HSPA8: variants seen among roughly 807,000 people sequenced by gnomAD.
HSPA8 encodes heat shock protein family A (Hsp70) member 8, also known as heat shock cognate 71 kDa protein.
HSPA8 carries 2 observed loss-of-function variants against 52.8 expected under a neutral mutation model. That is an observed-to-expected ratio of 0.04 (90% CI 0.02 to 0.12). HSPA8 has a LOEUF of 0.12. HSPA8 is among the 10% of genes least tolerant of loss of function. The pLI, the probability that HSPA8 is intolerant of heterozygous loss-of-function variation, is 1.00. For synonymous variants in HSPA8, 436 were observed against 274.0 expected (o/e 1.59, Z -5.84); for missense variants, 349 against 800.5 (o/e 0.44, Z 6.81).
intron 2 of HSPA8, 124 bp from the exon 3 acceptor site, chr11:123,060,922 A>G (rs1392833834): frequency 3.1e-6 from 3 of 960,542 alleles, no homozygotes; most frequent in African/African-American, 3.3e-5. Context: ...TATAGGTAGC[A>G]AAGGTTCAAA....
intron 2 of HSPA8, 118 bp from the exon 3 acceptor site, chr11:123,060,916 G>A (rs557748685): frequency 3.1e-6 from 3 of 981,696 alleles, no homozygotes; most frequent in African/African-American, 1.6e-5. Context: ...CTACCATATA[G>A]GTAGCAAAGG....
At chr11:123,061,644 T>TCAACGG (rs1182594536) in intron 1 of HSPA8, 1 of 414,940 alleles carries the variant, frequency 2.4e-6, no homozygotes, top group Non-Finnish European at 4.5e-6. Context: ...CCCCCGGGAG[T>TCAACGG]CAACGGGCTT....
At position 123,061,086 on chromosome 11, in the gene HSPA8, A is replaced by G. The variant is rs760570450; in HGVS notation, c.205+34T>C. 3.1e-5 allele frequency: 48 copies of G among 1,571,120 alleles called. 1 individual carries two copies. The highest frequency in any genetic ancestry group is 8.9e-5 in the South Asian group (8 of 90,138). On this transcript the variant is annotated intron_variant, in intron 2 of 8. Transcript: ENST00000534624. ...AACTTTTGTGCTTCCTAGCCCTGTT[A>G]TATTTGTTCTGTCATTTAAAATTAG...
chr11:123,058,136 A>ATG, intron 8 of HSPA8, 116 bp downstream of exon 8: 1 of 776,012 alleles, frequency 1.3e-6, no homozygotes, highest in Admixed American at 2.6e-5. Context: ...GAAACCGCGA[A>ATG]TGTTTTGGAC....
chr11:123,057,621 G>A lies in HSPA8; in HGVS notation c.*113C>T. 9.4e-6 allele frequency: 7 copies of A among 741,388 alleles called. No homozygotes were observed. Among genetic ancestry groups the A allele is most frequent in the Non-Finnish European group, 1.3e-5 (6 of 454,934 alleles). 45.9% of individuals were successfully genotyped at this position (741,388 alleles called of 1,614,324 possible). A position where few individuals can be genotyped will look rare whatever the true frequency, so the allele number is the denominator to read the frequency against. On this transcript the variant is annotated 3_prime_UTR_variant, in exon 9 of 9. Coordinates refer to ENST00000534624, the MANE Select transcript of HSPA8 (RefSeq NM_006597.6). ...CATATTCAAGTATTGAGAATGCCCA[G>A]TAACTTACTATAGCAGCTTAACTTT...
Position 123,059,719 on chromosome 11 carries a change from C to A in HSPA8, c.874G>T (p.Asp292Tyr). 1 of 1,613,824 alleles carries A rather than the reference C, an allele frequency of 6.2e-7. No homozygotes were observed. Among genetic ancestry groups the A allele is most frequent in the Non-Finnish European group, 8.5e-7 (1 of 1,179,874 alleles). ...IEIDSLYEGI[D>Y]FYTSITRARF... ...GCACGGGTAATGGAGGTATAGAAGT[C>A]GATTCCTTCATAGAGAGAATCGATC... is the stretch of plus-strand genomic sequence containing the variant. The change falls in exon 5 of 9, where the codon GAC becomes TAC. Residue 292 changes from aspartate to tyrosine, a missense_variant. By Grantham distance (160) the Asp-to-Tyr change is radical. Coordinates refer to ENST00000534624, the MANE Select transcript of HSPA8 (RefSeq NM_006597.6).
chr11:123,058,606 A>G (rs1262645487), intron 7 of HSPA8, 26 bp downstream of exon 7: 1 of 1,601,236 alleles, frequency 6.2e-7, no homozygotes, highest in Non-Finnish European at 8.6e-7. Context: ...TATCCCTGTC[A>G]AGACCAGATG....
rs1450746614 is a variant in HSPA8, at chr11:123,060,581, A to T, written c.411+12T>A. On this transcript the variant is annotated intron_variant, in intron 3 of 8. Transcript: ENST00000534624. ...CTCCGGAATGCACCCCATACTGAAA[A>T]ACCAACCTCACCTTCCCAAGGTAGG... 2 of 1,609,088 alleles carry T rather than the reference A, an allele frequency of 1.2e-6. No individual in the cohort carries two copies. The highest frequency in any genetic ancestry group is 1.3e-5 in the African/African-American group (1 of 74,592).
chr11:123,058,998 C>G, intron 6 of HSPA8, 61 bp downstream of exon 6: 2 of 1,487,060 alleles, frequency 1.3e-6, no homozygotes, highest in East Asian at 4.5e-5. Flanking sequence ...CATAGCGAGT[C>G]AGTCAAGACT....
chr11:123,060,569 C>G (rs1302957079), intron 3 of HSPA8, 24 bp downstream of exon 3: 2 of 1,562,392 alleles, frequency 1.3e-6, no homozygotes, highest in East Asian at 4.5e-5. Flanking sequence ...CGGAATGCAC[C>G]CCATACTGAA....
intron 2 of HSPA8, 54 bp from the exon 3 acceptor site, chr11:123,060,852 ACT>A (rs762958355): frequency 3.3e-6 from 5 of 1,499,224 alleles, no homozygotes; most frequent in Non-Finnish European, 4.6e-6. Context: ...TTCTGATAAA[ACT>A]CAAGTCCATG....
At chr11:123,061,408 G>A (rs994619252) in intron 1 of HSPA8, 79 bp from the exon 2 acceptor site, 32 of 1,149,422 alleles carry the variant, frequency 2.8e-5, no homozygotes, top group Non-Finnish European at 4.1e-5. Context: ...CACTTAACCA[G>A]GAAAAACGTA....
chr11:123,058,445 T>A lies in HSPA8; in HGVS notation c.1562A>T (p.Glu521Val). 6.2e-7 allele frequency: 1 copy of A among 1,614,132 alleles called. No homozygotes were observed. The highest frequency in any genetic ancestry group is 8.5e-7 in the Non-Finnish European group (1 of 1,180,022). Residue 521 changes from glutamate (E) to valine (V), a missense_variant, in exon 8 of 9, where the codon GAA becomes GTA. Physicochemically the swap from Glu to Val is moderately radical, Grantham distance 121. Coordinates refer to ENST00000534624, the MANE Select transcript of HSPA8 (RefSeq NM_006597.6). Reference sequence around the variant, plus strand: ...ATCTTCAGCTTTGTACTTCTCAGCTTCCTGGACCATACGTTCAATGTCTTC... The same window carrying A: ...ATCTTCAGCTTTGTACTTCTCAGCTACCTGGACCATACGTTCAATGTCTTC... ...SKEDIERMVQ[E>V]AEKYKAEDEK...
intron 8 of HSPA8, 126 bp downstream of exon 8, chr11:123,058,126 G>T: frequency 1.3e-6 from 1 of 750,316 alleles, no homozygotes; most frequent in East Asian, 2.6e-5. Context: ...AATTCTGGTG[G>T]AAACCGCGAA....
intron 7 of HSPA8, 54 bp downstream of exon 7, chr11:123,058,578 A>G (rs1160668793): frequency 3.2e-6 from 5 of 1,574,908 alleles, no homozygotes; most frequent in Non-Finnish European, 4.4e-6. Context: ...GGCACCAGTA[A>G]CTCAATTGAA....
intron 2 of HSPA8, 80 bp from the exon 3 acceptor site, chr11:123,060,878 C>T (rs568342741): frequency 1.5e-6 from 2 of 1,303,758 alleles, no homozygotes; most frequent in South Asian, 1.2e-5. Context: ...ACTCAAATAC[C>T]TAACAGTTCA....
At chr11:123,061,387 CCTT>C in intron 1 of HSPA8, 58 bp from the exon 2 acceptor site, 2 of 1,320,654 alleles carry the variant, frequency 1.5e-6, no homozygotes, top group Non-Finnish European at 2.1e-6. Context: ...TTCCCTCATC[CCTT>C]AACAGAACAC....
intron 6 of HSPA8, 51 bp from the exon 7 acceptor site, chr11:123,058,881 G>C (rs1357895281): frequency 1.3e-6 from 2 of 1,546,558 alleles, no homozygotes; most frequent in African/African-American, 2.7e-5. Flanking sequence ...GTCTGTGACA[G>C]TGCTAGGGTC....
chr11:123,060,524 A>G, intron 3 of HSPA8, 69 bp downstream of exon 3: 1 of 1,219,586 alleles, frequency 8.2e-7, no homozygotes, highest in South Asian at 1.2e-5. Context: ...GCCAGGTGCC[A>G]GTGCCCCCGG....
Sources: allele counts gnomAD v4.1 joint callset, GRCh38; gene constraint gnomAD v4.1.1; transcripts MANE v1.5; gene names NCBI Gene and HGNC (gene_info 2026-07-23, HGNC 2026-07-21).